SLC4A4: variants seen among roughly 807,000 people sequenced by gnomAD.
SLC4A4 encodes the protein solute carrier family 4 member 4.
A neutral mutation model predicts 111.5 loss-of-function variants in SLC4A4; 27 were observed. The observed-to-expected ratio is 0.24, with a 90% CI of 0.18 to 0.33. SLC4A4 has a LOEUF of 0.33. Among genes scored for constraint, SLC4A4 ranks in the 10% least tolerant of loss-of-function variants. The pLI is 1.00. For missense variants in SLC4A4, 909 were observed against 1,315.5 expected, an observed-to-expected ratio of 0.69 and a Z score of 4.78; for synonymous variants, 443 against 463.4, an observed-to-expected ratio of 0.96 and a Z score of 0.57.
chr4:71,105,812 A>G (rs1378802136), intron 2 of SLC4A4, among the ~76,000 whole-genome samples: 1 of 88,194 alleles, frequency 1.1e-5, no homozygotes, highest in Non-Finnish European at 2.7e-5. Flanking sequence ...CTAAAACCAT[A>G]AAAACCCTAG....
intron 7 of SLC4A4, among the ~76,000 whole-genome samples, chr4:71,415,327 T>C (rs565328539): frequency 6.6e-6 from 1 of 152,318 alleles, no homozygotes; most frequent in Non-Finnish European, 1.5e-5. Flanking sequence ...GAAATTTTAT[T>C]TTTGTCAGTC....
At chr4:71,438,318 A>G (rs143044547) in intron 7 of SLC4A4, among the ~76,000 whole-genome samples, 3 of 152,342 alleles carry the variant, frequency 2.0e-5, no homozygotes, top group African/African-American at 7.2e-5. Flanking sequence ...TGAGAATTCC[A>G]ATCTCCACTC....
chr4:71,257,974 T>C (rs1721578709), intron 3 of SLC4A4, among the ~76,000 whole-genome samples: 1 of 152,206 alleles, frequency 6.6e-6, no homozygotes, highest in African/African-American at 2.4e-5. Context: ...AATCATCACC[T>C]CTTGCATAGA....
intron 23 of SLC4A4, among the ~76,000 whole-genome samples, chr4:71,561,447 T>A (rs1736970125): frequency 6.6e-6 from 1 of 151,862 alleles, no homozygotes; most frequent in Admixed American, 6.6e-5. Context: ...CAGGCCTCTC[T>A]GGTTATTTCT....
chr4:71,212,495 G>T (rs987086670), intron 1 of SLC4A4, among the ~76,000 whole-genome samples: 1 of 152,210 alleles, frequency 6.6e-6, no homozygotes, highest in African/African-American at 2.4e-5. Context: ...TGTCAGAGGG[G>T]CTCACCAGAA....
At chr4:71,458,464 T>C (rs1726498851) in intron 12 of SLC4A4, among the ~76,000 whole-genome samples, 1 of 152,044 alleles carries the variant, frequency 6.6e-6, no homozygotes. Flanking sequence ...GTAATTTTAA[T>C]TTTTTTCCAG....
chr4:71,090,165 G>A (rs1199720991), intron 1 of SLC4A4, among the ~76,000 whole-genome samples: 2 of 151,878 alleles, frequency 1.3e-5, no homozygotes, highest in Non-Finnish European at 1.5e-5. Flanking sequence ...AGCAATGAGC[G>A]AGGCTCCGTG....
chr4:71,283,619 C>A (rs1318518039), intron 3 of SLC4A4, among the ~76,000 whole-genome samples: 1 of 152,130 alleles, frequency 6.6e-6, no homozygotes, highest in Non-Finnish European at 1.5e-5. Flanking sequence ...ATTTCTATAT[C>A]TCCACTTTCT....
intron 2 of SLC4A4, among the ~76,000 whole-genome samples, chr4:71,182,060 C>T (rs1745310781): frequency 6.6e-6 from 1 of 152,102 alleles, no homozygotes; most frequent in Non-Finnish European, 1.5e-5. Context: ...TTATTTTGTC[C>T]ACTTATTTGT....
chr4:71,423,504 T>A (rs569308991), intron 7 of SLC4A4, among the ~76,000 whole-genome samples: 1 of 152,136 alleles, frequency 6.6e-6, no homozygotes, highest in Non-Finnish European at 1.5e-5. Context: ...AAAGTTCATA[T>A]GGAACCAAAA....
intron 16 of SLC4A4, among the ~76,000 whole-genome samples, chr4:71,510,516 T>C (rs1578078335): frequency 6.6e-6 from 1 of 152,314 alleles, no homozygotes; most frequent in Admixed American, 6.5e-5. Flanking sequence ...TCTTGTTTTT[T>C]TTTACTTACA....
At chr4:71,427,937 G>GT (rs1326922099) in intron 7 of SLC4A4, among the ~76,000 whole-genome samples, 5 of 152,190 alleles carry the variant, frequency 3.3e-5, no homozygotes, top group South Asian at 2.1e-4. Context: ...TGTCAAGTCT[G>GT]TTTTTTTCTA....
At chr4:71,143,821 A>T (rs1446659928) in intron 2 of SLC4A4, among the ~76,000 whole-genome samples, 1 of 151,984 alleles carries the variant, frequency 6.6e-6, no homozygotes, top group Non-Finnish European at 1.5e-5. Context: ...AATTTGTTTG[A>T]GTTCATTGTA....
At chr4:71,459,547 A>G (rs1726620675) in intron 12 of SLC4A4, among the ~76,000 whole-genome samples, 1 of 152,066 alleles carries the variant, frequency 6.6e-6, no homozygotes, top group Non-Finnish European at 1.5e-5. Context: ...ATGACCACAT[A>G]TATTTATGCA....
rs1176300246 is a variant in SLC4A4, at chr4:71,260,746, G to T, written c.253+5347G>T. ...CCAGATTACTTGAGTTTGAATCCCA[G>T]TTCATACCAGCAGTGTAACCTTGGT... is the stretch of plus-strand genomic sequence containing the variant. On this transcript the variant is annotated intron_variant, in intron 3 of 25. Coordinates refer to ENST00000264485, the MANE Select transcript of SLC4A4 (RefSeq NM_001098484.3). 4.6e-5 allele frequency among the ~76,000 whole-genome samples: 7 copies of T among 152,188 alleles called. No individual in the cohort carries two copies. In the East Asian group the frequency reaches 1.3e-3, roughly 29 times the overall value.
At chr4:71,357,522 C>T (rs1730389761) in intron 6 of SLC4A4, among the ~76,000 whole-genome samples, 3 of 152,052 alleles carry the variant, frequency 2.0e-5, no homozygotes, top group Admixed American at 2.0e-4. Context: ...TATTGAGTAC[C>T]TCTGTGAATA....
chr4:71,302,896 G>A (rs1725383797), intron 3 of SLC4A4, among the ~76,000 whole-genome samples: 1 of 152,150 alleles, frequency 6.6e-6, no homozygotes, highest in African/African-American at 2.4e-5. Context: ...ATAGATTTTG[G>A]TAAATGGATT....
intron 2 of SLC4A4, among the ~76,000 whole-genome samples, chr4:71,102,108 G>C (rs987134318): frequency 6.6e-6 from 1 of 152,130 alleles, no homozygotes; most frequent in Non-Finnish European, 1.5e-5. Flanking sequence ...CAAGGCTCAA[G>C]AACTATGTGA....
At chr4:71,534,513 C>T (rs192945370) in intron 18 of SLC4A4, 125 bp downstream of exon 18, 139 of 851,562 alleles carry the variant, frequency 1.6e-4, no homozygotes, top group Non-Finnish European at 2.4e-4. Flanking sequence ...CTTAAGAGTC[C>T]GCAGAACCAG....
Sources: gnomAD v4.1 joint callset for allele counts (sites outside exome capture counted in the v4.1 genomes callset) on GRCh38, gnomAD v4.1.1 for gene constraint, MANE v1.5 for transcripts, NCBI Gene and HGNC (gene_info 2026-07-23, HGNC 2026-07-21) for gene names.